Variants in VPS37A observed in about 807,000 individuals in gnomAD.
The protein encoded by VPS37A is VPS37A subunit of ESCRT-I.
Under a neutral mutation model 49.8 loss-of-function variants are expected in VPS37A, and 30 were observed. The ratio of observed to expected loss-of-function variants is 0.60; its 90% CI spans 0.45 to 0.82. The LOEUF (loss-of-function observed/expected upper bound fraction) is 0.82. Among genes scored for constraint, VPS37A ranks in the 40% least tolerant of loss-of-function variants. The probability of loss-of-function intolerance (pLI) is 0.00; values close to 1 mark genes in which losing one functional copy is unlikely to be tolerated. For missense variants in VPS37A, 593 were observed against 464.4 expected (o/e 1.28, Z -2.55); for synonymous variants, 195 against 160.6 (o/e 1.21, Z -1.62).
downstream of VPS37A, among the ~76,000 whole-genome samples, chr8:17,306,926 A>G (rs1586145016): frequency 1.3e-5 from 1 of 78,200 alleles, no homozygotes; most frequent in Non-Finnish European, 2.4e-5. Flanking sequence ...ACCTAAAACT[A>G]TAAAAAACCC....
chr8:17,275,053 T>G, intron 5 of VPS37A, 95 bp downstream of exon 5: 3 of 1,157,482 alleles, frequency 2.6e-6, no homozygotes, highest in Admixed American at 2.3e-5. Flanking sequence ...GATAATAAGT[T>G]AGACACAAAA....
At chr8:17,324,617 T>C in the VPS37A span, among the ~76,000 whole-genome samples, 26 of 152,226 alleles carry the variant, frequency 1.7e-4, no homozygotes, top group African/African-American at 6.0e-4. Flanking sequence ...CTTGATCCAT[T>C]TCCTTCTTCT....
intron 6 of VPS37A, chr8:17,279,733 A>C (rs1025006332): frequency 2.1e-6 from 1 of 480,024 alleles, no homozygotes; most frequent in South Asian, 1.6e-5. Flanking sequence ...TCACTGTATA[A>C]CTGTGAACAC....
the VPS37A span, among the ~76,000 whole-genome samples, chr8:17,315,997 C>CAA: frequency 6.6e-6 from 1 of 152,160 alleles, no homozygotes; most frequent in East Asian, 1.9e-4. Context: ...TGGGTGATGA[C>CAA]AGAGCCAGAT....
intron 1 of VPS37A, among the ~76,000 whole-genome samples, chr8:17,262,570 AGTATGTGTGT>A (rs1254845526): frequency 7.2e-6 from 1 of 138,434 alleles, no homozygotes; most frequent in Admixed American, 7.4e-5. Context: ...ATTACTTTAA[AGTATGTGTGT>A]GTGTGTGTGT....
At chr8:17,249,315 C>A (rs887369568) in intron 1 of VPS37A, among the ~76,000 whole-genome samples, 3 of 152,132 alleles carry the variant, frequency 2.0e-5, no homozygotes, top group Non-Finnish European at 4.4e-5. Flanking sequence ...TTAAGAGGAT[C>A]AGTAAATACG....
At chr8:17,302,346 C>G, downstream of VPS37A, 1 of 1,529,058 alleles carries the variant, frequency 6.5e-7, no homozygotes, top group Non-Finnish European at 8.8e-7. Flanking sequence ...ATCCTCAAGT[C>G]TTCTAAGGTA....
downstream of VPS37A, among the ~76,000 whole-genome samples, chr8:17,303,077 CAG>C (rs1817233772): frequency 2.6e-5 from 4 of 152,140 alleles, no homozygotes; most frequent in African/African-American, 4.8e-5. Context: ...GGTGTTATCA[CAG>C]AGTTACCCTT....
the VPS37A span, among the ~76,000 whole-genome samples, chr8:17,331,668 G>A: frequency 6.6e-6 from 1 of 152,174 alleles, no homozygotes; most frequent in Non-Finnish European, 1.5e-5. Flanking sequence ...AGCAGAAACA[G>A]CTGTCAAAAT....
chr8:17,255,145 T>G (rs1277371466), intron 1 of VPS37A, among the ~76,000 whole-genome samples: 2 of 152,192 alleles, frequency 1.3e-5, no homozygotes, highest in African/African-American at 4.8e-5. Flanking sequence ...AACTGAGTCT[T>G]ATGAAATCAA....
chr8:17,300,560 A>G (rs113671428), downstream of VPS37A, among the ~76,000 whole-genome samples: 760 of 152,318 alleles, frequency 5.0e-3, 8 homozygotes, highest in African/African-American at 0.017. Flanking sequence ...CTCAAAAAAC[A>G]TTTTTTAGAA....
At chr8:17,281,330 G>T (rs1815035153) in intron 9 of VPS37A, among the ~76,000 whole-genome samples, 1 of 151,964 alleles carries the variant, frequency 6.6e-6, no homozygotes, top group Non-Finnish European at 1.5e-5. Context: ...CATACAAGTA[G>T]AAACATTAGT....
Position 17,247,275 on chromosome 8 carries a change from G to T in VPS37A, c.31G>T (p.Ala11Ser). 3 of 1,568,848 alleles carry T rather than the reference G, an allele frequency of 1.9e-6. No homozygotes were observed. The highest frequency in any genetic ancestry group is 2.4e-5 in the East Asian group (1 of 42,046). The part of the protein sequence containing the change: MSWLFPLTKS[A>S]SSSAAGSPGG... ...CTGGCTTTTTCCCCTGACCAAGAGC[G>T]CCTCCTCCTCCGCGGCTGGGTCCCC... Residue 11 changes from alanine (A) to serine (S), a missense_variant, in exon 1 of 12, where the codon GCC becomes TCC. Physicochemically the swap from Ala to Ser is moderately conservative, Grantham distance 99. Transcript: ENST00000324849.
intron 2 of VPS37A, among the ~76,000 whole-genome samples, chr8:17,266,942 T>A (rs1213245099): frequency 6.6e-6 from 1 of 151,956 alleles, no homozygotes; most frequent in African/African-American, 2.4e-5. Context: ...CCGGCTAATT[T>A]TTGAATTTTC....
At position 17,257,481 on chromosome 8, in the gene VPS37A, G is replaced by C. The variant is rs200864592; in HGVS notation, c.126-8426G>C. On this transcript the variant is annotated intron_variant, in intron 1 of 11. Transcript: ENST00000324849. Reference sequence around the variant, plus strand: ...ACAGGGAGGGGAACATCACACACCGGGGCCTGTCAGGGGGCGTTAGGGGAG... The same window carrying C: ...ACAGGGAGGGGAACATCACACACCGCGGCCTGTCAGGGGGCGTTAGGGGAG... Among the ~76,000 whole-genome samples, 6 of 152,048 alleles carry C rather than the reference G, an allele frequency of 3.9e-5. No homozygotes were observed. The East Asian group carries it at 1.2e-3, about 29-fold the overall frequency.
the VPS37A span, among the ~76,000 whole-genome samples, chr8:17,330,411 G>C: frequency 6.6e-6 from 1 of 152,182 alleles, no homozygotes; most frequent in Non-Finnish European, 1.5e-5. Context: ...TTCCCAGTTC[G>C]CAGAGCCGGA....
At chr8:17,317,344 G>C in the VPS37A span, among the ~76,000 whole-genome samples, 1 of 152,212 alleles carries the variant, frequency 6.6e-6, no homozygotes, top group East Asian at 1.9e-4. Context: ...TGTCTTCGAT[G>C]TTTGTAGGCC....
chr8:17,320,500 G>C, the VPS37A span, among the ~76,000 whole-genome samples: 1 of 152,130 alleles, frequency 6.6e-6, no homozygotes, highest in African/African-American at 2.4e-5. Context: ...TGAGAGGCAG[G>C]TCATGTAATC....
At chr8:17,266,095 T>G (rs1813421395) in intron 2 of VPS37A, 114 bp downstream of exon 2, 18 of 897,196 alleles carry the variant, frequency 2.0e-5, no homozygotes, top group Non-Finnish European at 2.9e-5. Context: ...TAACTATAAT[T>G]TATAAAATAG....
Sources: gnomAD v4.1 joint callset for allele counts (sites outside exome capture counted in the v4.1 genomes callset) on GRCh38, gnomAD v4.1.1 for gene constraint, MANE v1.5 for transcripts, NCBI Gene and HGNC (gene_info 2026-07-23, HGNC 2026-07-21) for gene names.